Variants in GCA observed in about 807,000 individuals in gnomAD.
GCA encodes grancalcin, EF-hand calcium-binding protein.
In GCA, 30 loss-of-function variants were observed where a neutral mutation model predicts 32.6. The observed-to-expected ratio is 0.92, with a 90% CI of 0.69 to 1.25. GCA has a LOEUF of 1.25. Ranked by LOEUF, GCA falls within the 50% of genes most tolerant of loss-of-function variation. The pLI, the probability that GCA is intolerant of heterozygous loss-of-function variation, is 0.00. For synonymous variants in GCA, 102 were observed against 84.6 expected (o/e 1.21, Z -1.13); for missense variants, 291 against 266.8 (o/e 1.09, Z -0.63).
chr2:162,366,731 C>A (rs990968097), downstream of GCA, among the ~76,000 whole-genome samples: 8 of 151,860 alleles, frequency 5.3e-5, no homozygotes, highest in African/African-American at 1.9e-4. Flanking sequence ...TGAGCTATTG[C>A]AAAGCTAGAA....
chr2:162,326,665 C>A (rs569799955), intron 1 of GCA, among the ~76,000 whole-genome samples: 65 of 152,268 alleles, frequency 4.3e-4, no homozygotes, highest in African/African-American at 1.5e-3. Context: ...TACAGGCAAG[C>A]CCCACCATGC....
downstream of GCA, chr2:162,372,190 C>T: frequency 2.9e-6 from 3 of 1,022,524 alleles, no homozygotes; most frequent in Non-Finnish European, 2.8e-6. Flanking sequence ...TTTCTTTCCT[C>T]ATTAATCTAT....
At chr2:162,350,338 G>A (rs1684928388) in intron 2 of GCA, among the ~76,000 whole-genome samples, 1 of 152,154 alleles carries the variant, frequency 6.6e-6, no homozygotes, top group African/African-American at 2.4e-5. Flanking sequence ...TATAGATAGG[G>A]AATGTGGAAA....
In GCA at chr2:162,356,603, C is replaced by A. The variant is rs538229716; in HGVS notation, c.306+122C>A. ...TGAATTTAAAAATACTTTGTAAGAT[C>A]CTGTTTAAATTCTAGGCTTTCTAGT... On this transcript the variant is annotated intron_variant, in intron 4 of 7. Coordinates refer to ENST00000437150, the MANE Select transcript of GCA (RefSeq NM_012198.5). 7.7e-4 allele frequency: 662 copies of A among 864,466 alleles called. 1 individual carries two copies. The highest frequency in any genetic ancestry group is 2.6e-3 in the Middle Eastern group (11 of 4,208). 53.5% of individuals were successfully genotyped at this position (864,466 alleles called of 1,614,324 possible). A position where few individuals can be genotyped will look rare whatever the true frequency, so the allele number is the denominator to read the frequency against.
chr2:162,356,401 G>C lies in GCA; in HGVS notation c.263-37G>C, dbSNP rs142390968. ...TCATAATTTTACATAGATAAAGTTG[G>C]GCATACTCTAATTTAAATATTGAAT... On this transcript the variant is annotated intron_variant, in intron 3 of 7. Coordinates refer to ENST00000437150, the MANE Select transcript of GCA (RefSeq NM_012198.5). 3,817 of 1,194,810 alleles carry C rather than the reference G, an allele frequency of 3.2e-3. 22 individuals carry two copies. The highest frequency in any genetic ancestry group is 7.6e-3 in the South Asian group (597 of 78,106). The allele number at this position is 1,194,810 out of a possible 1,614,324, so 74.0% of individuals were successfully genotyped here. A position where few individuals can be genotyped will look rare whatever the true frequency, so the allele number is the denominator to read the frequency against.
rs758410587 is a variant in GCA, at chr2:162,356,756, A to T, written c.307-2A>T. 6.3e-7 allele frequency: 1 copy of T among 1,597,356 alleles called. No individual in the cohort carries two copies. Among genetic ancestry groups the T allele is most frequent in the South Asian group, 1.1e-5 (1 of 90,442 alleles). On this transcript the variant is annotated splice_acceptor_variant, in intron 4 of 7. Coordinates refer to ENST00000437150, the MANE Select transcript of GCA (RefSeq NM_012198.5). LOFTEE classifies it high-confidence loss of function. The stretch of plus-strand genomic sequence containing the variant: ...ATTTATTTTTGTTAATAAAACTATC[A>T]GAGAGATCACACAGGAAAAATGGGA...
chr2:162,352,563 C>G lies in GCA; in HGVS notation c.262+156C>G, dbSNP rs959501186. The stretch of plus-strand genomic sequence containing the variant: ...ACTGTAAAACTCGTTATGAAAATAA[C>G]TGTTCATTGTGTATTCCTGTCTCCT... On this transcript the variant is annotated intron_variant, in intron 3 of 7. Coordinates refer to ENST00000437150, the MANE Select transcript of GCA (RefSeq NM_012198.5). Among the ~76,000 whole-genome samples, 3 of 152,246 alleles carry G rather than the reference C, an allele frequency of 2.0e-5. No homozygotes were observed. In the South Asian group the frequency reaches 6.2e-4, roughly 32 times the overall value.
intron 2 of GCA, among the ~76,000 whole-genome samples, chr2:162,350,336 G>A (rs951215254): frequency 2.6e-5 from 4 of 152,162 alleles, no homozygotes; most frequent in African/African-American, 9.7e-5. Flanking sequence ...CCTATAGATA[G>A]GGAATGTGGA....
Position 162,360,661 on chromosome 2 carries a change from G to T in GCA, c.*418G>T. The T allele has an allele frequency of 7.7e-7, 1 of 1,293,222 alleles. No homozygotes were observed. Among genetic ancestry groups the T allele is most frequent in the Admixed American group, 3.8e-5 (1 of 26,316 alleles). The allele number at this position is 1,293,222 out of a possible 1,614,324, so 80.1% of individuals were successfully genotyped here. A position where few individuals can be genotyped will look rare whatever the true frequency, so the allele number is the denominator to read the frequency against. ...GACTTTTAAATTTTCTTTGTAGTTG[G>T]TGGTGTTTGAGGGTTGGCTAGAAAT... On this transcript the variant is annotated 3_prime_UTR_variant, in exon 8 of 8. Transcript: ENST00000437150.
chr2:162,334,139 C>G (rs1255881117), intron 1 of GCA, among the ~76,000 whole-genome samples: 1 of 152,218 alleles, frequency 6.6e-6, no homozygotes, highest in Non-Finnish European at 1.5e-5. Flanking sequence ...CTTCTCCACA[C>G]TGCGACTCAC....
At chr2:162,330,743 G>C (rs1466853549) in intron 1 of GCA, among the ~76,000 whole-genome samples, 2 of 152,086 alleles carry the variant, frequency 1.3e-5, no homozygotes, top group Non-Finnish European at 2.9e-5. Flanking sequence ...TAGGGATTAG[G>C]GCTTCTGTTA....
chr2:162,328,293 G>A (rs1335714192), intron 1 of GCA, among the ~76,000 whole-genome samples: 1 of 151,742 alleles, frequency 6.6e-6, no homozygotes, highest in South Asian at 2.1e-4. Flanking sequence ...TCGGGAGGCT[G>A]AGGCAGGAGA....
At chr2:162,355,777 C>T (rs150642421) in intron 3 of GCA, among the ~76,000 whole-genome samples, 247 of 151,356 alleles carry the variant, frequency 1.6e-3, no homozygotes, top group Non-Finnish European at 2.7e-3. Context: ...CCAGTTGCTT[C>T]AATTCAGATG....
At chr2:162,332,003 G>A (rs1035777533) in intron 1 of GCA, among the ~76,000 whole-genome samples, 1 of 152,034 alleles carries the variant, frequency 6.6e-6, no homozygotes, top group African/African-American at 2.4e-5. Flanking sequence ...AAACCTATTA[G>A]GCATTATATA....
chr2:162,366,524 A>C (rs1325041249), downstream of GCA, among the ~76,000 whole-genome samples: 1 of 151,842 alleles, frequency 6.6e-6, no homozygotes, highest in African/African-American at 2.4e-5. Flanking sequence ...TCTGTATTTG[A>C]CATTTAACCG....
intron 1 of GCA, among the ~76,000 whole-genome samples, chr2:162,326,070 C>T (rs1683866407): frequency 6.6e-6 from 1 of 152,094 alleles, no homozygotes; most frequent in African/African-American, 2.4e-5. Context: ...GGAGTTGGCT[C>T]CTCTGCTGGG....
chr2:162,344,198 C>A lies in GCA; in HGVS notation c.-51C>A, dbSNP rs778016125. On this transcript the variant is annotated 5_prime_UTR_variant, in exon 1 of 8. Transcript: ENST00000437150. ...CCTGCGCCTGTGCTTTTTCTCCCAG[C>A]ACTGCGGACGCGACTCGAGGGTGAC... The A allele has an allele frequency of 2.5e-6, 4 of 1,609,352 alleles. No homozygotes were observed. Among genetic ancestry groups the A allele is most frequent in the Non-Finnish European group, 3.4e-6 (4 of 1,176,106 alleles).
At chr2:162,345,149 T>TGTGGTG (rs1684634228) in intron 1 of GCA, among the ~76,000 whole-genome samples, 1 of 136,806 alleles carries the variant, frequency 7.3e-6, no homozygotes, top group Admixed American at 7.3e-5. Context: ...TGGTTGTGGT[T>TGTGGTG]GTTGTTGTTG....
chr2:162,356,787 T>C lies in GCA; in HGVS notation c.336T>C (p.Asn112=). ...DRDHTGKMGF[N]AFKELWAALN... Reference sequence around the variant, plus strand: ...ATCACACAGGAAAAATGGGATTTAATGCATTCAAAGAGCTATGGGCAGCTC... The same window carrying C: ...ATCACACAGGAAAAATGGGATTTAACGCATTCAAAGAGCTATGGGCAGCTC... The change falls in exon 5 of 8, where the codon AAT becomes AAC. Residue 112 remains asparagine, a synonymous_variant. Coordinates refer to ENST00000437150, the MANE Select transcript of GCA (RefSeq NM_012198.5). 6.2e-7 allele frequency: 1 copy of C among 1,608,566 alleles called. No homozygotes were observed. Among genetic ancestry groups the C allele is most frequent in the Non-Finnish European group, 8.5e-7 (1 of 1,176,334 alleles).
Sources: allele counts gnomAD v4.1 joint callset (sites outside exome capture counted in the v4.1 genomes callset), GRCh38; gene constraint gnomAD v4.1.1; transcripts MANE v1.5; gene names NCBI Gene and HGNC (gene_info 2026-07-23, HGNC 2026-07-21).